PTPRG: variants seen among roughly 807,000 people sequenced by gnomAD.
PTPRG encodes protein tyrosine phosphatase receptor type G, also known as receptor-type tyrosine-protein phosphatase gamma.
A neutral mutation model predicts 165.3 loss-of-function variants in PTPRG; 102 were observed. The ratio of observed to expected loss-of-function variants is 0.62; its 90% CI spans 0.53 to 0.73. The LOEUF (loss-of-function observed/expected upper bound fraction) is 0.73, where lower values mean the gene tolerates loss of function less well. PTPRG is among the 30% of genes least tolerant of loss of function. The pLI, the probability that PTPRG is intolerant of heterozygous loss-of-function variation, is 0.00. For missense variants in PTPRG, 1,866 were observed against 1,861.4 expected (o/e 1.00, Z -0.05); for synonymous variants, 675 against 669.5 (o/e 1.01, Z -0.13).
At chr3:61,821,789 G>A (rs2107258784) in intron 2 of PTPRG, among the ~76,000 whole-genome samples, 1 of 152,330 alleles carries the variant, frequency 6.6e-6, no homozygotes, top group Middle Eastern at 3.4e-3. Context: ...ATCCGCCCAA[G>A]ATGCATGCTA....
At chr3:61,604,779 C>A (rs1313404501) in intron 1 of PTPRG, among the ~76,000 whole-genome samples, 1 of 152,002 alleles carries the variant, frequency 6.6e-6, no homozygotes, top group African/African-American at 2.4e-5. Flanking sequence ...TGTGCCACGG[C>A]CACATGGAGG....
chr3:61,818,799 A>G (rs1390185020), intron 2 of PTPRG, among the ~76,000 whole-genome samples: 2 of 151,662 alleles, frequency 1.3e-5, no homozygotes, highest in Non-Finnish European at 2.9e-5. Context: ...TCACAAGAAA[A>G]AGTCATTGAA....
chr3:62,217,402 G>A lies in PTPRG; in HGVS notation c.2156-1449G>A, dbSNP rs903231382. ...TAGAGGAAATCCAGTGAAACGCATC[G>A]TAACACACTTCTTCCTGACTCGGGA... is the stretch of plus-strand genomic sequence containing the variant. On this transcript the variant is annotated intron_variant, in intron 12 of 29. Coordinates refer to ENST00000474889, the MANE Select transcript of PTPRG (RefSeq NM_002841.4). The surrounding 1 kb of genome is among the most constrained non-coding windows in gnomAD (Gnocchi z 4.3). Among the ~76,000 whole-genome samples, 3 of 152,280 alleles carry A rather than the reference G, an allele frequency of 2.0e-5. No individual in the cohort carries two copies. The highest frequency in any genetic ancestry group is 4.8e-5 in the African/African-American group (2 of 41,562).
intron 2 of PTPRG, among the ~76,000 whole-genome samples, chr3:61,792,739 T>C (rs542972711): frequency 8.4e-6 from 1 of 118,896 alleles, no homozygotes; most frequent in African/African-American, 3.3e-5. Context: ...TTTCTTTCTT[T>C]CTTTCTTTGA....
chr3:61,595,805 T>C (rs895615646), intron 1 of PTPRG, among the ~76,000 whole-genome samples: 1 of 152,184 alleles, frequency 6.6e-6, no homozygotes, highest in Non-Finnish European at 1.5e-5. Flanking sequence ...GGGAAAAGAT[T>C]AGATAATTTA....
chr3:61,792,761 G>A (rs879291366), intron 2 of PTPRG, among the ~76,000 whole-genome samples: 30 of 146,708 alleles, frequency 2.0e-4, no homozygotes, highest in Admixed American at 2.0e-3. Context: ...ATGGAGTCTC[G>A]CTCGATTGCC....
intron 1 of PTPRG, among the ~76,000 whole-genome samples, chr3:61,587,029 G>C (rs1700450947): frequency 6.6e-6 from 1 of 152,266 alleles, no homozygotes; most frequent in Non-Finnish European, 1.5e-5. Flanking sequence ...GGGGATGGGG[G>C]TAGTGTTCTG....
intron 16 of PTPRG, chr3:62,262,008 A>C (rs1701714122): frequency 6.6e-6 from 1 of 152,156 alleles, no homozygotes; most frequent in Non-Finnish European, 1.5e-5. Flanking sequence ...ACTGCTAATG[A>C]CTTCCCTTAT....
intron 1 of PTPRG, among the ~76,000 whole-genome samples, chr3:61,748,421 G>T (rs775116503): frequency 6.6e-6 from 1 of 152,218 alleles, no homozygotes; most frequent in Non-Finnish European, 1.5e-5. Context: ...ATCAAATGGA[G>T]CCCGAGGGTC....
chr3:61,969,789 C>G (rs2040344549), intron 2 of PTPRG, among the ~76,000 whole-genome samples: 1 of 152,130 alleles, frequency 6.6e-6, no homozygotes, highest in African/African-American at 2.4e-5. Flanking sequence ...CAGCATCCCT[C>G]AAGACATGAT....
intron 8 of PTPRG, among the ~76,000 whole-genome samples, chr3:62,172,285 ATATGG>A (rs2106747972): frequency 6.6e-6 from 1 of 152,350 alleles, no homozygotes; most frequent in Non-Finnish European, 1.5e-5. Flanking sequence ...TTGCTGGGTC[ATATGG>A]TAACTTTCTG....
At chr3:61,817,996 A>G (rs2035839244) in intron 2 of PTPRG, among the ~76,000 whole-genome samples, 1 of 152,154 alleles carries the variant, frequency 6.6e-6, no homozygotes, top group Non-Finnish European at 1.5e-5. Flanking sequence ...AGTTGAGAAG[A>G]CAGGTCTGTG....
At chr3:61,987,997 G>T (rs570934532) in intron 2 of PTPRG, among the ~76,000 whole-genome samples, 1 of 152,290 alleles carries the variant, frequency 6.6e-6, no homozygotes, top group South Asian at 2.1e-4. Context: ...AAAAATACAT[G>T]AGTGAAAAGC....
At chr3:61,979,261 A>G (rs2040582707) in intron 2 of PTPRG, among the ~76,000 whole-genome samples, 1 of 152,184 alleles carries the variant, frequency 6.6e-6, no homozygotes, top group African/African-American at 2.4e-5. Flanking sequence ...TACTGATAAT[A>G]TCTTTCTTTG....
At chr3:62,051,057 G>A (rs1046029212) in intron 4 of PTPRG, among the ~76,000 whole-genome samples, 1 of 152,202 alleles carries the variant, frequency 6.6e-6, no homozygotes, top group South Asian at 2.1e-4. Context: ...TGGCGGTCAA[G>A]TCAACAGGTG....
chr3:61,738,258 T>TA (rs2032802254), intron 1 of PTPRG, among the ~76,000 whole-genome samples: 1 of 8,656 alleles, frequency 1.2e-4, no homozygotes, highest in South Asian at 3.2e-3. Context: ...TTGTCCATTT[T>TA]TATATATATA....
chr3:62,164,915 G>A (rs1405863147), intron 7 of PTPRG, among the ~76,000 whole-genome samples: 1 of 152,218 alleles, frequency 6.6e-6, no homozygotes, highest in Non-Finnish European at 1.5e-5. Context: ...TGGCATCTCA[G>A]AGATTAAACT....
At chr3:61,736,783 C>A (rs572234912) in intron 1 of PTPRG, among the ~76,000 whole-genome samples, 1 of 152,238 alleles carries the variant, frequency 6.6e-6, no homozygotes, top group African/African-American at 2.4e-5. Context: ...TGTTCCCTGC[C>A]CAGCAGAGTT....
At chr3:61,930,926 G>T (rs906541218) in intron 2 of PTPRG, among the ~76,000 whole-genome samples, 2 of 152,082 alleles carry the variant, frequency 1.3e-5, no homozygotes, top group Non-Finnish European at 2.9e-5. Flanking sequence ...GAAATTAGCC[G>T]GGCATGGTGG....
Sources: gnomAD v4.1 joint callset for allele counts (sites outside exome capture counted in the v4.1 genomes callset) on GRCh38, gnomAD v4.1.1 for gene constraint, Gnocchi (gnomAD v3.1) non-coding constraint, MANE v1.5 for transcripts, NCBI Gene and HGNC (gene_info 2026-07-23, HGNC 2026-07-21) for gene names.